TRIM67: variants seen among roughly 807,000 people sequenced by gnomAD.
The protein encoded by TRIM67 is tripartite motif-containing protein 67.
A neutral mutation model predicts 71.0 loss-of-function variants in TRIM67; 39 were observed. The ratio of observed to expected loss-of-function variants is 0.55; its 90% CI spans 0.43 to 0.72. The LOEUF is 0.72. Among genes scored for constraint, TRIM67 ranks in the 30% least tolerant of loss-of-function variants. The probability of loss-of-function intolerance (pLI) is 0.00; values close to 1 mark genes in which losing one functional copy is unlikely to be tolerated. For synonymous variants in TRIM67, 481 were observed against 473.9 expected (o/e 1.01, Z -0.19); for missense variants, 973 against 1,079.2 (o/e 0.90, Z 1.38).
intron 4 of TRIM67, 116 bp from the exon 5 acceptor site, chr1:231,201,242 C>T: frequency 8.7e-7 from 1 of 1,148,782 alleles, no homozygotes. Flanking sequence ...CTCTAGAGCA[C>T]AACCCTTTTC....
chr1:231,186,549 C>G (rs982141272), intron 1 of TRIM67, among the ~76,000 whole-genome samples: 1 of 152,148 alleles, frequency 6.6e-6, no homozygotes. Context: ...AGATCCTTGG[C>G]AGCATAACTC....
In TRIM67 at chr1:231,216,124, A is replaced by T; in HGVS notation, c.*684A>T. ...TTGTGTTCTCTCTCTCTCTTCCTCC[A>T]TCCTTCATTTCTTCTCCCTCCCTCC... On this transcript the variant is annotated 3_prime_UTR_variant, in exon 10 of 10. Transcript: ENST00000366653. 19 of 981,472 alleles carry T rather than the reference A, an allele frequency of 1.9e-5. No individual in the cohort carries two copies. Among genetic ancestry groups the T allele is most frequent in the Non-Finnish European group, 2.3e-5 (19 of 827,388 alleles). The allele number at this position is 981,472 out of a possible 1,614,324, so 60.8% of individuals were successfully genotyped here.
Position 231,215,995 on chromosome 1 carries a change from T to C in TRIM67, c.*555T>C, listed in dbSNP as rs540964788. On this transcript the variant is annotated 3_prime_UTR_variant, in exon 10 of 10. Coordinates refer to ENST00000366653, the MANE Select transcript of TRIM67 (RefSeq NM_001004342.5). Reference sequence around the variant, plus strand: ...TAGCACCTGCCACTTGCAGACCCAATGCAGGATTGATAGAAAGGGACATTA... The same window carrying C: ...TAGCACCTGCCACTTGCAGACCCAACGCAGGATTGATAGAAAGGGACATTA... The C allele has an allele frequency of 9.1e-6, 9 of 985,808 alleles. No homozygotes were observed. In the Admixed American group the frequency reaches 2.5e-4, roughly 27 times the overall value. 61.1% of individuals were successfully genotyped at this position (985,808 alleles called of 1,614,324 possible).
At chr1:231,186,225 G>A in intron 1 of TRIM67, 2 of 1,428,560 alleles carry the variant, frequency 1.4e-6, no homozygotes, top group Non-Finnish European at 1.9e-6. Context: ...CAGAAGGAGA[G>A]ACAAGAGTAC....
chr1:231,205,207 G>A (rs1224827689), intron 6 of TRIM67, among the ~76,000 whole-genome samples: 1 of 152,220 alleles, frequency 6.6e-6, no homozygotes, highest in Non-Finnish European at 1.5e-5. Context: ...AAGGGCTAGG[G>A]TTTATAAGGA....
At position 231,163,195 on chromosome 1, in the gene TRIM67, G is replaced by C; in HGVS notation, c.226G>C (p.Ala76Pro). Residue 76 changes from alanine to proline, a missense_variant, in exon 1 of 10, where the codon GCC (alanine) becomes CCC (proline). Around this residue, in one of 2 missense-constraint regions of TRIM67, gnomAD observed 795 missense variants for 831.3 expected, o/e 0.96. Transcript: ENST00000366653. The part of the protein sequence containing the change: ...SLEHDAAAGP[A>P]CGGAGGSAAG... ...GGAGCACGACGCTGCGGCTGGCCCG[G>C]CCTGCGGCGGTGCAGGCGGGAGTGC... The C allele has an allele frequency of 6.7e-7, 1 of 1,497,072 alleles. No homozygotes were observed. Among genetic ancestry groups the C allele is most frequent in the Non-Finnish European group, 8.9e-7 (1 of 1,126,008 alleles). 92.7% of individuals were successfully genotyped at this position (1,497,072 alleles called of 1,614,324 possible). A position where few individuals can be genotyped will look rare whatever the true frequency, so the allele number is the denominator to read the frequency against.
chr1:231,162,790 T>C lies in TRIM67; in HGVS notation c.-180T>C, dbSNP rs908681703. ...CCCTTCTCTCGCCCCTCAATCATCTTAGGGCGGTGGCTACAGGACAGAGAG... is the reference window on the plus strand; with the variant it reads ...CCCTTCTCTCGCCCCTCAATCATCTCAGGGCGGTGGCTACAGGACAGAGAG... On this transcript the variant is annotated 5_prime_UTR_variant, in exon 1 of 10. Transcript: ENST00000366653. 4.0e-6 allele frequency: 3 copies of C among 748,776 alleles called. No individual in the cohort carries two copies. The highest frequency in any genetic ancestry group is 6.2e-6 in the Non-Finnish European group (3 of 481,380). The allele number at this position is 748,776 out of a possible 1,614,324, so 46.4% of individuals were successfully genotyped here. A position where few individuals can be genotyped will look rare whatever the true frequency, so the allele number is the denominator to read the frequency against.
At chr1:231,181,803 T>C (rs1254734593) in intron 1 of TRIM67, among the ~76,000 whole-genome samples, 1 of 152,188 alleles carries the variant, frequency 6.6e-6, no homozygotes, top group African/African-American at 2.4e-5. Flanking sequence ...TAAACACTGT[T>C]TTACTGACAA....
chr1:231,219,587 C>CAT lies in TRIM67; in HGVS notation c.*4147_*4148insAT. 1 of 1,126,914 alleles carries CAT rather than the reference C, an allele frequency of 8.9e-7. No homozygotes were observed. Among genetic ancestry groups the CAT allele is most frequent in the Non-Finnish European group, 1.1e-6 (1 of 912,646 alleles). The allele number at this position is 1,126,914 out of a possible 1,614,324, so 69.8% of individuals were successfully genotyped here. A position where few individuals can be genotyped will look rare whatever the true frequency, so the allele number is the denominator to read the frequency against. ...TTGAATTTTCACTCACTGAAGATGC[C>CAT]CCCTGCCCGCTCCCCACTTCCTAGA... On this transcript the variant is annotated 3_prime_UTR_variant, in exon 10 of 10. Coordinates refer to ENST00000366653, the MANE Select transcript of TRIM67 (RefSeq NM_001004342.5).
Position 231,206,696 on chromosome 1 carries a change from T to C in TRIM67, c.1725T>C (p.Leu575=), listed in dbSNP as rs772866649. The C allele has an allele frequency of 1.2e-5, 20 of 1,611,414 alleles. No homozygotes were observed. The South Asian group carries it at 2.2e-4, about 18-fold the overall frequency. Residue 575 remains leucine, a synonymous_variant, in exon 7 of 10, where the codon CTT becomes CTC. Coordinates refer to ENST00000366653, the MANE Select transcript of TRIM67 (RefSeq NM_001004342.5). ...GKETLCTIDG[L]HFNSTYNARV... is the part of the protein sequence containing the mutation. ...AGACTTTGTGTACCATCGACGGTCT[T>C]CACTTCAACAGCACCTACAACGCCC... is the stretch of plus-strand genomic sequence containing the variant.
At position 231,162,813 on chromosome 1, in the gene TRIM67, G is replaced by A; in HGVS notation, c.-157G>A. On this transcript the variant is annotated 5_prime_UTR_variant, in exon 1 of 10. Transcript: ENST00000366653. The stretch of plus-strand genomic sequence containing the variant: ...CTTAGGGCGGTGGCTACAGGACAGA[G>A]AGAGGGGCGTGCCCCTCGGCTGTGA... 1 of 932,936 alleles carries A rather than the reference G, an allele frequency of 1.1e-6. No homozygotes were observed. The allele number at this position is 932,936 out of a possible 1,614,324, so 57.8% of individuals were successfully genotyped here.
intron 4 of TRIM67, 46 bp downstream of exon 4, chr1:231,200,304 C>A: frequency 8.0e-7 from 1 of 1,257,696 alleles, no homozygotes; most frequent in Non-Finnish European, 1.2e-6. Flanking sequence ...CTCCAACTGT[C>A]CCACTGTTCC....
chr1:231,173,541 G>A (rs1339270766), intron 1 of TRIM67, among the ~76,000 whole-genome samples: 1 of 152,202 alleles, frequency 6.6e-6, no homozygotes, highest in Non-Finnish European at 1.5e-5. Flanking sequence ...GAAGACAAGG[G>A]CCAAGAACCA....
At chr1:231,189,298 A>G (rs528182364) in intron 1 of TRIM67, among the ~76,000 whole-genome samples, 6 of 152,324 alleles carry the variant, frequency 3.9e-5, no homozygotes, top group African/African-American at 1.4e-4. Flanking sequence ...CGACATCCAT[A>G]TCTTTATTCC....
Position 231,216,081 on chromosome 1 carries a change from CCTTT to C in TRIM67, c.*642_*645del, listed in dbSNP as rs1205517769. 3 of 985,290 alleles carry C rather than the reference CCTTT, an allele frequency of 3.0e-6. No homozygotes were observed. The highest frequency in any genetic ancestry group is 3.6e-6 in the Non-Finnish European group (3 of 829,944). 61.0% of individuals were successfully genotyped at this position (985,290 alleles called of 1,614,324 possible). ...GTGTTAGAACCTTTTAAAATGGCTT[CCTTT>C]ATTAATCAGCCAATTGTGTTCTCTC... On this transcript the variant is annotated 3_prime_UTR_variant, in exon 10 of 10. Transcript: ENST00000366653.
intron 1 of TRIM67, among the ~76,000 whole-genome samples, chr1:231,166,640 G>A (rs528569790): frequency 1.4e-4 from 22 of 152,252 alleles, no homozygotes; most frequent in African/African-American, 5.1e-4. Context: ...TAACATTCCT[G>A]TGATTAAAGA....
chr1:231,180,957 T>TTTGTTTG (rs1682888012), intron 1 of TRIM67, among the ~76,000 whole-genome samples: 1 of 94,854 alleles, frequency 1.1e-5, no homozygotes, highest in African/African-American at 3.4e-5. Flanking sequence ...GAGAAGGTTT[T>TTTGTTTG]TTTGTTTGTT....
intron 1 of TRIM67, among the ~76,000 whole-genome samples, chr1:231,165,712 G>T (rs561209002): frequency 6.6e-6 from 1 of 152,094 alleles, no homozygotes; most frequent in Non-Finnish European, 1.5e-5. Flanking sequence ...TAGCTATCTT[G>T]CTTATTTCAT....
In TRIM67 at chr1:231,221,403, A is replaced by ATTGGTATCCACAAGCGT. The variant is rs1460049215; in HGVS notation, c.*5967_*5983dup. The ATTGGTATCCACAAGCGT allele has an allele frequency of 2.0e-5, 3 of 152,392 alleles. No homozygotes were observed. The highest frequency in any genetic ancestry group is 4.4e-5 in the Non-Finnish European group (3 of 67,984). The allele number at this position is 152,392 out of a possible 1,614,324, so 9.4% of individuals were successfully genotyped here. On this transcript the variant is annotated 3_prime_UTR_variant, in exon 10 of 10. Coordinates refer to ENST00000366653, the MANE Select transcript of TRIM67 (RefSeq NM_001004342.5). ...AAAGCAACTTTTTTCTAATTTTTGTATTGGTATCCACAAGCGTTTGTATTT... is the reference window on the plus strand; with the variant it reads ...AAAGCAACTTTTTTCTAATTTTTGTATTGGTATCCACAAGCGTTTGGTATCCACAAGCGTTTGTATTT...
Sources: allele counts gnomAD v4.1 joint callset (sites outside exome capture counted in the v4.1 genomes callset), GRCh38; gene constraint gnomAD v4.1.1; regional missense constraint gnomAD v4.1.1; transcripts MANE v1.5; gene names NCBI Gene and HGNC (gene_info 2026-07-23, HGNC 2026-07-21).